The following INTS8 variants were observed in gnomAD, a reference collection of about 807,000 sequenced individuals.
INTS8 encodes the protein protein kaonashi-1.
A neutral mutation model predicts 138.9 loss-of-function variants in INTS8; 47 were observed. The observed-to-expected ratio is 0.34, with a 90% CI of 0.27 to 0.43. The LOEUF is 0.43. Among genes scored for constraint, INTS8 ranks in the 20% least tolerant of loss-of-function variants. The pLI is 1.00. For missense variants in INTS8, 996 were observed against 1,173.0 expected, an observed-to-expected ratio of 0.85 and a Z score of 2.20; for synonymous variants, 392 against 400.9, an observed-to-expected ratio of 0.98 and a Z score of 0.27.
In INTS8 at chr8:94,867,208, A is replaced by G. The variant is rs1296406008; in HGVS notation, c.2352+12A>G. 1 of 1,603,758 alleles carries G rather than the reference A, an allele frequency of 6.2e-7. No homozygotes were observed. The highest frequency in any genetic ancestry group is 2.2e-5 in the East Asian group (1 of 44,784). On this transcript the variant is annotated intron_variant, in intron 19 of 26. Transcript: ENST00000523731. ...TTCACAATGTTCGGGTAAGTATTTC[A>G]TAATTTCATTTAGAAAAATTTAAAA...
intron 7 of INTS8, among the ~76,000 whole-genome samples, chr8:94,837,703 C>T (rs993887317): frequency 6.6e-6 from 1 of 151,956 alleles, no homozygotes; most frequent in Admixed American, 6.6e-5. Flanking sequence ...ACACTGTTTG[C>T]TCTTTGTTAA....
intron 26 of INTS8, among the ~76,000 whole-genome samples, chr8:94,879,242 C>T (rs950411442): frequency 4.6e-5 from 7 of 152,176 alleles, no homozygotes; most frequent in Admixed American, 6.5e-5. Flanking sequence ...CCATACCTGA[C>T]GATCATATCT....
intron 15 of INTS8, among the ~76,000 whole-genome samples, chr8:94,857,546 T>G (rs1586506216): frequency 6.6e-6 from 1 of 152,248 alleles, no homozygotes; most frequent in African/African-American, 2.4e-5. Context: ...CTCCCAGTTC[T>G]GGAGGCCGGA....
At chr8:94,863,541 ATAGTAAGT>A (rs1435183710) in intron 16 of INTS8, among the ~76,000 whole-genome samples, 1 of 152,142 alleles carries the variant, frequency 6.6e-6, no homozygotes, top group Non-Finnish European at 1.5e-5. Context: ...TTTATGCTGA[ATAGTAAGT>A]TATATATCCA....
At chr8:94,833,627 G>A (rs895269427) in intron 6 of INTS8, among the ~76,000 whole-genome samples, 7 of 152,094 alleles carry the variant, frequency 4.6e-5, no homozygotes, top group African/African-American at 1.7e-4. Context: ...GCAACATGGT[G>A]GATGATACAA....
chr8:94,876,252 A>G lies in INTS8; in HGVS notation c.2794A>G (p.Ile932Val), dbSNP rs1270613195. The change falls in exon 25 of 27, where the codon ATA becomes GTA. Residue 932 changes from isoleucine to valine, a missense_variant. Transcript: ENST00000523731. ...TGCTATGGACTCCTACTACGACTAC[A>G]TATGGGATGTTACCATTTTGGAATA... is the stretch of plus-strand genomic sequence containing the variant. ...HDAMDSYYDY[I>V]WDVTILEYLT... The G allele has an allele frequency of 1.2e-6, 2 of 1,612,606 alleles. No individual in the cohort carries two copies.
chr8:94,864,220 A>G (rs1404310546), intron 16 of INTS8, among the ~76,000 whole-genome samples: 1 of 152,082 alleles, frequency 6.6e-6, no homozygotes, highest in African/African-American at 2.4e-5. Context: ...AAATGTAGAG[A>G]AAAACCACCA....
rs1478927539 is a variant in INTS8, at chr8:94,880,306, T to C, written c.*72T>C. 1.3e-6 allele frequency: 1 copy of C among 759,876 alleles called. No individual in the cohort carries two copies. Among genetic ancestry groups the C allele is most frequent in the Non-Finnish European group, 2.2e-6 (1 of 456,538 alleles). 47.1% of individuals were successfully genotyped at this position (759,876 alleles called of 1,614,324 possible). On this transcript the variant is annotated 3_prime_UTR_variant, in exon 27 of 27. Transcript: ENST00000523731. ...ATAAACAGTATTAAAAGGTTAAGTT[T>C]ATATAATACATATGTACACAATTAG...
chr8:94,824,228 G>A (rs571979045), intron 1 of INTS8, among the ~76,000 whole-genome samples: 240 of 152,308 alleles, frequency 1.6e-3, no homozygotes, highest in African/African-American at 5.5e-3. Context: ...TCCTCGGATA[G>A]CATTTCTCTA....
chr8:94,860,544 A>T (rs1815917777), intron 16 of INTS8, among the ~76,000 whole-genome samples: 1 of 133,450 alleles, frequency 7.5e-6, no homozygotes, highest in Non-Finnish European at 1.5e-5. Flanking sequence ...GTGCCATTGC[A>T]CTCCAGCCTG....
intron 20 of INTS8, among the ~76,000 whole-genome samples, chr8:94,868,483 C>T (rs1371944120): frequency 6.6e-6 from 1 of 152,136 alleles, no homozygotes; most frequent in Non-Finnish European, 1.5e-5. Flanking sequence ...GGTGAGTGCC[C>T]CTGCCCTCCA....
In INTS8 at chr8:94,828,988, C is replaced by G; in HGVS notation, c.532C>G (p.Gln178Glu). The part of the protein sequence containing the change: ...PPQLSVMNQM[Q>E]QEKELTENIL... ...TTTCTCTTTTAGTATGAATCAAATG[C>G]AACAGGAAAAAGAGCTAACAGAAAA... Residue 178 changes from glutamine to glutamate, a missense_variant, in exon 5 of 27, where the codon CAA (glutamine) becomes GAA (glutamate). Physicochemically the swap from Gln to Glu is conservative, Grantham distance 29. Transcript: ENST00000523731. 1 of 1,596,140 alleles carries G rather than the reference C, an allele frequency of 6.3e-7. No homozygotes were observed. The highest frequency in any genetic ancestry group is 8.5e-7 in the Non-Finnish European group (1 of 1,169,718).
chr8:94,831,465 T>C (rs1814709633), intron 5 of INTS8, among the ~76,000 whole-genome samples: 1 of 149,522 alleles, frequency 6.7e-6, no homozygotes. Context: ...CTTTCCTGTT[T>C]TTTGTATTGT....
chr8:94,825,318 G>A (rs1263463554), intron 2 of INTS8, among the ~76,000 whole-genome samples: 1 of 151,992 alleles, frequency 6.6e-6, no homozygotes, highest in East Asian at 1.9e-4. Flanking sequence ...TGTAATTTCA[G>A]CTACTTGGGA....
chr8:94,835,267 G>T (rs145896447), intron 6 of INTS8, among the ~76,000 whole-genome samples: 9 of 152,150 alleles, frequency 5.9e-5, no homozygotes, highest in Non-Finnish European at 1.0e-4. Flanking sequence ...CACTTTCTGG[G>T]CGTTTGTATT....
chr8:94,848,776 A>G (rs532345753), intron 10 of INTS8, among the ~76,000 whole-genome samples: 9 of 152,146 alleles, frequency 5.9e-5, no homozygotes, highest in African/African-American at 1.9e-4. Context: ...TGAACATTCT[A>G]TTTTGTGTGT....
At chr8:94,853,944 T>A in intron 14 of INTS8, 29 bp downstream of exon 14, 1 of 1,313,600 alleles carries the variant, frequency 7.6e-7, no homozygotes, top group Non-Finnish European at 1.1e-6. Context: ...CAAACACTTG[T>A]TAAGAATATG....
chr8:94,851,652 C>A lies in INTS8; in HGVS notation c.1607C>A (p.Thr536Asn). The A allele has an allele frequency of 6.2e-7, 1 of 1,602,900 alleles. No homozygotes were observed. The highest frequency in any genetic ancestry group is 8.5e-7 in the Non-Finnish European group (1 of 1,176,212). The change falls in exon 13 of 27, where the codon ACT becomes AAT. Residue 536 changes from threonine (T) to asparagine (N), a missense_variant. Coordinates refer to ENST00000523731, the MANE Select transcript of INTS8 (RefSeq NM_017864.4). Reference protein sequence around the residue: ...RQILIELHGMTSERQFWTVSN... With the variant: ...RQILIELHGMNSERQFWTVSN... The stretch of plus-strand genomic sequence containing the variant: ...ATTTTAATTGAATTACATGGTATGA[C>A]TTCAGAGCGCCAGTTCTGGACAGTG...
chr8:94,824,294 C>T (rs1814399217), intron 1 of INTS8, among the ~76,000 whole-genome samples: 1 of 152,178 alleles, frequency 6.6e-6, no homozygotes, highest in Non-Finnish European at 1.5e-5. Flanking sequence ...CTGATAGAGA[C>T]CACTGTGTAA....
Sources: gnomAD v4.1 joint callset for allele counts (sites outside exome capture counted in the v4.1 genomes callset) on GRCh38, gnomAD v4.1.1 for gene constraint, MANE v1.5 for transcripts, NCBI Gene and HGNC (gene_info 2026-07-23, HGNC 2026-07-21) for gene names.